The following TENM1 variants were observed in gnomAD, a reference collection of about 807,000 sequenced individuals.
The protein encoded by TENM1 is teneurin transmembrane protein 1.
In TENM1, 35 loss-of-function variants were observed where a neutral mutation model predicts 174.8. That is an observed-to-expected ratio of 0.20 (90% CI 0.15 to 0.27). The LOEUF (loss-of-function observed/expected upper bound fraction) is 0.27. TENM1 is among the 10% of genes least tolerant of loss of function. The pLI is 1.00. For synonymous variants in TENM1, 781 were observed against 798.7 expected (o/e 0.98, Z 0.37); for missense variants, 1,633 against 2,130.1 (o/e 0.77, Z 4.59).
the TENM1 span, among the ~76,000 whole-genome samples, chrX:124,970,746 G>A: frequency 9.0e-6 from 1 of 111,405 alleles, no homozygotes; most frequent in East Asian, 2.8e-4. Flanking sequence ...CAAGGATCTA[G>A]CACTAGAAAT....
intron 15 of TENM1, among the ~76,000 whole-genome samples, chrX:124,541,354 C>T (rs1482725356): frequency 8.9e-6 from 1 of 112,316 alleles, no homozygotes; most frequent in East Asian, 2.8e-4. Flanking sequence ...TGGTTTAGCA[C>T]CACCTCTTGG....
At chrX:124,477,766 A>C (rs2046763750) in intron 22 of TENM1, among the ~76,000 whole-genome samples, 1 of 111,495 alleles carries the variant, frequency 9.0e-6, no homozygotes, top group Admixed American at 9.6e-5. Flanking sequence ...AAAAAAAAAA[A>C]AAAAAAATGG....
rs2053274813 is a variant in TENM1, at chrX:124,720,050, C to T, written c.777-14799G>A. On this transcript the variant is annotated intron_variant, in intron 4 of 31. Coordinates refer to ENST00000422452, the Ensembl canonical transcript of TENM1. ...ACAGTATGACCCAAGGCAGAGTAGA[C>T]TTCTATACAAGGTGTTGCATCTTGA... Among the ~76,000 whole-genome samples, 3 of 111,801 alleles carry T rather than the reference C, an allele frequency of 2.7e-5. No individual in the cohort carries two copies. The South Asian group carries it at 1.1e-3, about 42-fold the overall frequency.
At chrX:124,876,247 A>G (rs2057199016) in intron 3 of TENM1, among the ~76,000 whole-genome samples, 1 of 111,828 alleles carries the variant, frequency 8.9e-6, no homozygotes, top group Non-Finnish European at 1.9e-5. Context: ...TTTGTTAAAT[A>G]AAATGTTGGT....
chrX:125,102,815 G>C, the TENM1 span, among the ~76,000 whole-genome samples: 1 of 112,093 alleles, frequency 8.9e-6, no homozygotes, highest in Non-Finnish European at 1.9e-5. Flanking sequence ...AAAGGGCATT[G>C]CCTCTATTTC....
the TENM1 span, among the ~76,000 whole-genome samples, chrX:124,988,062 G>T: frequency 1.8e-5 from 2 of 111,406 alleles, no homozygotes; most frequent in Non-Finnish European, 3.8e-5. Flanking sequence ...ACACAAAAAA[G>T]GTATTAAGCC....
the TENM1 span, among the ~76,000 whole-genome samples, chrX:125,023,261 G>A: frequency 1.9e-4 from 21 of 111,243 alleles, no homozygotes; most frequent in East Asian, 5.7e-3. Flanking sequence ...ATAAATGGTA[G>A]TTTTTCCTGC....
chrX:124,492,235 A>G (rs1031429131), intron 20 of TENM1, among the ~76,000 whole-genome samples: 9 of 111,786 alleles, frequency 8.1e-5, no homozygotes, highest in African/African-American at 2.9e-4. Flanking sequence ...AGATGACTCA[A>G]CCAAGTAAAG....
At chrX:125,111,550 T>C in the TENM1 span, among the ~76,000 whole-genome samples, 5 of 112,488 alleles carry the variant, frequency 4.4e-5, no homozygotes, top group African/African-American at 1.6e-4. Context: ...CACTATGGGC[T>C]AAGCACTGAG....
At chrX:125,147,108 A>G in the TENM1 span, among the ~76,000 whole-genome samples, 7 of 108,022 alleles carry the variant, frequency 6.5e-5, no homozygotes, top group Non-Finnish European at 1.2e-4. Context: ...TCTAATTTAT[A>G]TATATCTTAT....
At chrX:124,431,725 G>A (rs987566182) in intron 23 of TENM1, among the ~76,000 whole-genome samples, 2 of 111,676 alleles carry the variant, frequency 1.8e-5, no homozygotes, top group Non-Finnish European at 3.8e-5. Flanking sequence ...TTTAAAAAGT[G>A]GAAATTATTA....
chrX:124,763,125 A>G (rs778526272), intron 3 of TENM1, among the ~76,000 whole-genome samples: 1 of 111,400 alleles, frequency 9.0e-6, no homozygotes, highest in African/African-American at 3.3e-5. Context: ...AATACAATGG[A>G]ATGATGAGCA....
chrX:124,695,303 C>T (rs1451068678), intron 5 of TENM1, among the ~76,000 whole-genome samples: 2 of 111,121 alleles, frequency 1.8e-5, no homozygotes, highest in Non-Finnish European at 3.8e-5. Flanking sequence ...GGGAGAATGC[C>T]GGGCCAGGGA....
the TENM1 span, among the ~76,000 whole-genome samples, chrX:125,136,971 GA>G: frequency 9.1e-6 from 1 of 110,387 alleles, no homozygotes; most frequent in Non-Finnish European, 1.9e-5. Context: ...AAAGTATTAA[GA>G]AAGTATGGTG....
chrX:124,549,360 T>C (rs1225856425), intron 14 of TENM1, among the ~76,000 whole-genome samples: 1 of 112,306 alleles, frequency 8.9e-6, no homozygotes, highest in African/African-American at 3.2e-5. Context: ...GAATTTGTTA[T>C]TGAGCTAATA....
intron 3 of TENM1, among the ~76,000 whole-genome samples, chrX:124,800,709 T>G (rs747000202): frequency 3.6e-5 from 4 of 111,680 alleles, no homozygotes; most frequent in Non-Finnish European, 7.5e-5. Context: ...CAACTTGAGA[T>G]TTTTCTTTCT....
chrX:124,656,850 A>T (rs962811700), intron 6 of TENM1, among the ~76,000 whole-genome samples: 5 of 111,573 alleles, frequency 4.5e-5, no homozygotes, highest in Non-Finnish European at 9.4e-5. Flanking sequence ...GCGGTGGCTC[A>T]TGCCTATAAT....
the TENM1 span, among the ~76,000 whole-genome samples, chrX:125,125,050 C>A: frequency 3.4e-4 from 38 of 112,252 alleles, no homozygotes; most frequent in African/African-American, 1.0e-3. Flanking sequence ...ATTTCTGCAT[C>A]ATTGGATCAT....
chrX:124,805,798 G>A (rs2055580781), intron 3 of TENM1, among the ~76,000 whole-genome samples: 1 of 113,064 alleles, frequency 8.8e-6, no homozygotes, highest in Non-Finnish European at 1.9e-5. Context: ...GCCTGCTGGA[G>A]TCTCCGGAAG....
Sources: gnomAD v4.1 joint callset for allele counts (sites outside exome capture counted in the v4.1 genomes callset) on GRCh38, gnomAD v4.1.1 for gene constraint, MANE v1.5 for transcripts, NCBI Gene and HGNC (gene_info 2026-07-23, HGNC 2026-07-21) for gene names.